The following MEF2A variants were observed in gnomAD, a reference collection of about 807,000 sequenced individuals.
The protein encoded by MEF2A is myocyte-specific enhancer factor 2A.
A neutral mutation model predicts 55.8 loss-of-function variants in MEF2A; 28 were observed. The ratio of observed to expected loss-of-function variants is 0.50; its 90% CI spans 0.37 to 0.69. MEF2A has a LOEUF of 0.69. MEF2A is among the 30% of genes least tolerant of loss of function. The pLI, the probability that MEF2A is intolerant of heterozygous loss-of-function variation, is 0.00. For missense variants in MEF2A, 528 were observed against 626.2 expected, an observed-to-expected ratio of 0.84 and a Z score of 1.67; for synonymous variants, 239 against 227.1, an observed-to-expected ratio of 1.05 and a Z score of -0.47.
chr15:99,603,460 C>T (rs975600720), intron 2 of MEF2A, among the ~76,000 whole-genome samples: 2 of 151,450 alleles, frequency 1.3e-5, no homozygotes, highest in East Asian at 1.9e-4. Context: ...ACAACCTCCA[C>T]CTCCTGGCTA....
chr15:99,679,587 A>G (rs1463476452), intron 7 of MEF2A, among the ~76,000 whole-genome samples: 1 of 152,230 alleles, frequency 6.6e-6, no homozygotes, highest in Non-Finnish European at 1.5e-5. Context: ...AAAATTCACA[A>G]TAGTGGTTAC....
At chr15:99,670,004 T>A (rs2050544457) in intron 4 of MEF2A, among the ~76,000 whole-genome samples, 1 of 152,202 alleles carries the variant, frequency 6.6e-6, no homozygotes, top group Admixed American at 6.5e-5. Flanking sequence ...AATCCTTCTC[T>A]GCAGTTGGTC....
intron 3 of MEF2A, among the ~76,000 whole-genome samples, chr15:99,633,812 T>A (rs1383705879): frequency 6.6e-6 from 1 of 152,068 alleles, no homozygotes; most frequent in Non-Finnish European, 1.5e-5. Context: ...CAAACTATGG[T>A]CCATGGGCTG....
At chr15:99,690,092 C>T (rs1271149609) in intron 7 of MEF2A, 149 bp from the exon 8 acceptor site, 1 of 725,310 alleles carries the variant, frequency 1.4e-6, no homozygotes, top group African/African-American at 1.8e-5. Context: ...ACTTCTGGTC[C>T]CAAGCATTTC....
intron 8 of MEF2A, among the ~76,000 whole-genome samples, chr15:99,700,383 G>T (rs1398743592): frequency 6.6e-6 from 1 of 151,464 alleles, no homozygotes; most frequent in Non-Finnish European, 1.5e-5. Context: ...GTGGTAGGAT[G>T]CCCCCATAGT....
intron 1 of MEF2A, among the ~76,000 whole-genome samples, chr15:99,582,585 A>T (rs1966249788): frequency 6.6e-6 from 1 of 152,054 alleles, no homozygotes; most frequent in South Asian, 2.1e-4. Flanking sequence ...GTAGCATCTC[A>T]GTGAAAATGT....
chr15:99,711,777 C>T (rs1219252464), intron 11 of MEF2A, among the ~76,000 whole-genome samples: 1 of 152,226 alleles, frequency 6.6e-6, no homozygotes, highest in East Asian at 1.9e-4. Context: ...GGAAATTTGC[C>T]TACACAGGAT....
intron 1 of MEF2A, among the ~76,000 whole-genome samples, chr15:99,583,552 G>A (rs1966539782): frequency 6.6e-6 from 1 of 151,982 alleles, no homozygotes; most frequent in Non-Finnish European, 1.5e-5. Flanking sequence ...TAAAAGTGAT[G>A]GATTCCAGTC....
At chr15:99,658,614 AC>A (rs968669084) in intron 4 of MEF2A, among the ~76,000 whole-genome samples, 1 of 152,072 alleles carries the variant, frequency 6.6e-6, no homozygotes, top group African/African-American at 2.4e-5. Flanking sequence ...AAAAAAAAAA[AC>A]AAACAAAAAC....
intron 1 of MEF2A, among the ~76,000 whole-genome samples, chr15:99,588,949 T>C (rs1968341153): frequency 6.6e-6 from 1 of 152,190 alleles, no homozygotes; most frequent in Admixed American, 6.5e-5. Flanking sequence ...CATATTTTGC[T>C]GGATTTGACC....
intron 2 of MEF2A, among the ~76,000 whole-genome samples, chr15:99,601,039 T>A (rs760674432): frequency 5.3e-5 from 8 of 152,196 alleles, no homozygotes; most frequent in Non-Finnish European, 1.2e-4. Flanking sequence ...GCTTGGTACC[T>A]CTATTCATTT....
intron 1 of MEF2A, among the ~76,000 whole-genome samples, chr15:99,593,115 G>T (rs1179870629): frequency 6.6e-6 from 1 of 152,100 alleles, no homozygotes; most frequent in Admixed American, 6.5e-5. Context: ...CTTTTGGGCA[G>T]TGCTGCTCTA....
chr15:99,708,538 T>C (rs957799693), intron 10 of MEF2A, among the ~76,000 whole-genome samples: 22 of 152,238 alleles, frequency 1.4e-4, no homozygotes, highest in African/African-American at 5.3e-4. Flanking sequence ...ATGCCACCTT[T>C]TGACCGACTT....
chr15:99,671,629 A>C (rs1273642700), intron 5 of MEF2A, 175 bp downstream of exon 5: 1 of 1,588,634 alleles, frequency 6.3e-7, no homozygotes, highest in Non-Finnish European at 8.6e-7. Flanking sequence ...GAGGAATTTG[A>C]TAATATGATG....
At chr15:99,679,548 GC>G (rs1235076274) in intron 7 of MEF2A, among the ~76,000 whole-genome samples, 1 of 152,168 alleles carries the variant, frequency 6.6e-6, no homozygotes, top group African/African-American at 2.4e-5. Flanking sequence ...AGATGGCAGA[GC>G]CATAAAGAAA....
At chr15:99,629,599 A>G (rs1005098289) in intron 2 of MEF2A, among the ~76,000 whole-genome samples, 2 of 152,166 alleles carry the variant, frequency 1.3e-5, no homozygotes, top group Admixed American at 1.3e-4. Flanking sequence ...GTGAGCTGGT[A>G]CTGATAACGC....
chr15:99,647,377 A>G (rs1234106929), intron 4 of MEF2A, among the ~76,000 whole-genome samples: 1 of 151,898 alleles, frequency 6.6e-6, no homozygotes, highest in African/African-American at 2.4e-5. Flanking sequence ...TGACTTTGAT[A>G]ATGTCAGCAA....
At chr15:99,709,088 G>A (rs2153819335) in intron 10 of MEF2A, among the ~76,000 whole-genome samples, 1 of 152,310 alleles carries the variant, frequency 6.6e-6, no homozygotes, top group South Asian at 2.1e-4. Context: ...AAAAGGCAAT[G>A]CCAGGAAGCC....
intron 1 of MEF2A, among the ~76,000 whole-genome samples, chr15:99,590,663 G>T (rs1968953699): frequency 6.6e-6 from 1 of 150,488 alleles, no homozygotes; most frequent in African/African-American, 2.4e-5. Flanking sequence ...TATGTATTTG[G>T]TAGTTGCCGT....
Sources: allele counts gnomAD v4.1 joint callset (sites outside exome capture counted in the v4.1 genomes callset), GRCh38; gene constraint gnomAD v4.1.1; transcripts MANE v1.5; gene names NCBI Gene and HGNC (gene_info 2026-07-23, HGNC 2026-07-21).